Variants in CDH12 observed in about 807,000 individuals in gnomAD.
CDH12 encodes cadherin 12.
CDH12 carries 41 observed loss-of-function variants against 74.1 expected under a neutral mutation model. The observed-to-expected ratio is 0.55, with a 90% CI of 0.43 to 0.72. The LOEUF (loss-of-function observed/expected upper bound fraction) is 0.72. CDH12 is among the 30% of genes least tolerant of loss of function. The pLI, the probability that CDH12 is intolerant of heterozygous loss-of-function variation, is 0.00. For synonymous variants in CDH12, 399 were observed against 355.0 expected (o/e 1.12, Z -1.39); for missense variants, 945 against 977.2 (o/e 0.97, Z 0.44).
chr5:22,547,355 C>T (rs569688909), intron 1 of CDH12, among the ~76,000 whole-genome samples: 22 of 152,252 alleles, frequency 1.4e-4, no homozygotes, highest in African/African-American at 4.1e-4. Flanking sequence ...GCCAGTAACA[C>T]GCCTTCTCAA....
intron 6 of CDH12, among the ~76,000 whole-genome samples, chr5:21,940,502 T>C (rs1246821028): frequency 6.6e-6 from 1 of 152,258 alleles, no homozygotes; most frequent in African/African-American, 2.4e-5. Flanking sequence ...ACTTGTGAAG[T>C]TCACAGCTAT....
intron 2 of CDH12, among the ~76,000 whole-genome samples, chr5:22,480,804 G>T (rs766133448): frequency 4.6e-5 from 7 of 152,142 alleles, no homozygotes; most frequent in Non-Finnish European, 1.0e-4. Flanking sequence ...CTGGGAGGCA[G>T]GGCACAGATC....
chr5:22,503,695 T>A (rs751194867), intron 2 of CDH12, among the ~76,000 whole-genome samples: 5 of 152,128 alleles, frequency 3.3e-5, no homozygotes, highest in African/African-American at 1.2e-4. Flanking sequence ...GTTAAATAAA[T>A]ATCAAACTAT....
intron 6 of CDH12, among the ~76,000 whole-genome samples, chr5:21,871,603 C>A (rs973991347): frequency 5.9e-5 from 9 of 152,016 alleles, no homozygotes; most frequent in Non-Finnish European, 1.2e-4. Flanking sequence ...CGTGGTGGCA[C>A]ACGCCTGTAA....
At chr5:22,681,653 G>A (rs868768573) in intron 1 of CDH12, among the ~76,000 whole-genome samples, 5 of 151,932 alleles carry the variant, frequency 3.3e-5, no homozygotes, top group African/African-American at 7.2e-5. Context: ...CTGAACATTC[G>A]TCCCTTCCAA....
chr5:22,449,021 A>C (rs552282356), intron 2 of CDH12, among the ~76,000 whole-genome samples: 6 of 152,040 alleles, frequency 3.9e-5, no homozygotes, highest in African/African-American at 1.4e-4. Context: ...AAAAAGAACC[A>C]ATAAAGAGGA....
chr5:22,639,410 T>C (rs942942194), intron 1 of CDH12, among the ~76,000 whole-genome samples: 1 of 150,914 alleles, frequency 6.6e-6, no homozygotes, highest in African/African-American at 2.4e-5. Context: ...CTTTCTGGGA[T>C]GATATTTAAG....
intron 1 of CDH12, among the ~76,000 whole-genome samples, chr5:22,765,021 A>G (rs1043999537): frequency 2.0e-5 from 3 of 152,024 alleles, no homozygotes; most frequent in Non-Finnish European, 2.9e-5. Context: ...CAAAAGAAAG[A>G]ACCATTAATA....
At chr5:22,798,056 C>T (rs532431262) in intron 1 of CDH12, among the ~76,000 whole-genome samples, 2 of 152,092 alleles carry the variant, frequency 1.3e-5, no homozygotes, top group Non-Finnish European at 2.9e-5. Flanking sequence ...GAAATTTTTT[C>T]GCCTTCCTAC....
At chr5:21,954,400 A>G (rs1488938458) in intron 6 of CDH12, among the ~76,000 whole-genome samples, 1 of 151,994 alleles carries the variant, frequency 6.6e-6, no homozygotes, top group Non-Finnish European at 1.5e-5. Flanking sequence ...ACACACTTGC[A>G]TGTGAGAGCT....
At chr5:21,941,487 A>C (rs1374019245) in intron 6 of CDH12, among the ~76,000 whole-genome samples, 1 of 151,996 alleles carries the variant, frequency 6.6e-6, no homozygotes, top group African/African-American at 2.4e-5. Context: ...TTGTCAATTT[A>C]TGCATAAAGC....
chr5:22,727,568 T>G (rs1245447307), intron 1 of CDH12, among the ~76,000 whole-genome samples: 1 of 151,796 alleles, frequency 6.6e-6, no homozygotes, highest in Non-Finnish European at 1.5e-5. Context: ...CATTTCTCTT[T>G]GTCACTTCTA....
At chr5:21,816,186 T>A (rs1748030194) in intron 9 of CDH12, among the ~76,000 whole-genome samples, 1 of 152,068 alleles carries the variant, frequency 6.6e-6, no homozygotes, top group Admixed American at 6.6e-5. Flanking sequence ...TCTTCCTCCT[T>A]CTCCTCAGCC....
At chr5:22,587,141 G>A (rs750692832) in intron 1 of CDH12, among the ~76,000 whole-genome samples, 3 of 152,000 alleles carry the variant, frequency 2.0e-5, no homozygotes, top group Non-Finnish European at 4.4e-5. Flanking sequence ...CAGCCTAGAA[G>A]TGGACTTTTA....
At chr5:22,739,838 T>C (rs1350124310) in intron 1 of CDH12, among the ~76,000 whole-genome samples, 1 of 152,100 alleles carries the variant, frequency 6.6e-6, no homozygotes, top group Non-Finnish European at 1.5e-5. Flanking sequence ...AATCTAAACC[T>C]GATTCCAACA....
intron 5 of CDH12, among the ~76,000 whole-genome samples, chr5:22,003,564 G>A (rs1479114400): frequency 4.6e-5 from 7 of 152,120 alleles, no homozygotes; most frequent in East Asian, 1.9e-4. Context: ...GCAGTGGGCC[G>A]TCCTCTGAGC....
At chr5:21,875,966 G>A (rs1265544820) in intron 6 of CDH12, among the ~76,000 whole-genome samples, 1 of 148,482 alleles carries the variant, frequency 6.7e-6, no homozygotes, top group Admixed American at 6.8e-5. Context: ...CACGATCTCG[G>A]TTCACCACAA....
intron 5 of CDH12, among the ~76,000 whole-genome samples, chr5:21,987,174 T>C (rs1580071472): frequency 6.6e-6 from 1 of 152,124 alleles, no homozygotes; most frequent in African/African-American, 2.4e-5. Flanking sequence ...TTTTGTTTAA[T>C]GGTATAAAAT....
At chr5:22,663,130 A>C (rs1740434266) in intron 1 of CDH12, among the ~76,000 whole-genome samples, 1 of 152,228 alleles carries the variant, frequency 6.6e-6, no homozygotes, top group African/African-American at 2.4e-5. Flanking sequence ...ACTTTATGAT[A>C]ATGAAAAGCT....
Sources: gnomAD v4.1 joint callset for allele counts (sites outside exome capture counted in the v4.1 genomes callset) on GRCh38, gnomAD v4.1.1 for gene constraint, MANE v1.5 for transcripts, NCBI Gene and HGNC (gene_info 2026-07-23, HGNC 2026-07-21) for gene names.